MAGI2: variants seen among roughly 807,000 people sequenced by gnomAD.
MAGI2 encodes membrane associated guanylate kinase, WW and PDZ domain containing 2, also known as membrane-associated guanylate kinase, WW and PDZ domain-containing protein 2.
A neutral mutation model predicts 133.3 loss-of-function variants in MAGI2; 35 were observed. The observed-to-expected ratio is 0.26, with a 90% CI of 0.20 to 0.35. The LOEUF is 0.35. Ranked by LOEUF, MAGI2 falls within the 10% of genes least tolerant of loss-of-function variation. The pLI is 1.00. For missense variants in MAGI2, 1,636 were observed against 1,863.4 expected (o/e 0.88, Z 2.25); for synonymous variants, 729 against 710.6 (o/e 1.03, Z -0.41).
intron 1 of MAGI2, among the ~76,000 whole-genome samples, chr7:79,114,657 C>T (rs146164264): frequency 9.1e-4 from 138 of 152,268 alleles, no homozygotes; most frequent in African/African-American, 3.2e-3. Context: ...TATTACAGGA[C>T]ACACAGAGCC....
At chr7:78,715,537 CAATTT>C (rs1585173458) in intron 2 of MAGI2, among the ~76,000 whole-genome samples, 1 of 151,986 alleles carries the variant, frequency 6.6e-6, no homozygotes, top group African/African-American at 2.4e-5. Context: ...AATGAAAGCC[CAATTT>C]AAATAAACTT....
At chr7:78,751,795 G>A (rs1823481485) in intron 2 of MAGI2, among the ~76,000 whole-genome samples, 1 of 152,204 alleles carries the variant, frequency 6.6e-6, no homozygotes, top group Non-Finnish European at 1.5e-5. Flanking sequence ...AAAAGGTAAT[G>A]GCACCAGGTA....
At chr7:79,319,172 C>G (rs962111565) in intron 1 of MAGI2, among the ~76,000 whole-genome samples, 1 of 152,090 alleles carries the variant, frequency 6.6e-6, no homozygotes, top group Admixed American at 6.6e-5. Context: ...CCTCAGTTTA[C>G]AGACAGGTAA....
intron 3 of MAGI2, among the ~76,000 whole-genome samples, chr7:78,536,441 T>C (rs1797938047): frequency 6.6e-6 from 1 of 152,122 alleles, no homozygotes; most frequent in Non-Finnish European, 1.5e-5. Flanking sequence ...GATTCCCCTG[T>C]CTTGATAAGT....
chr7:78,111,663 G>C (rs959745747), intron 20 of MAGI2, among the ~76,000 whole-genome samples: 3 of 152,196 alleles, frequency 2.0e-5, no homozygotes, highest in Non-Finnish European at 2.9e-5. Context: ...ACTCTGAAAA[G>C]AAAAAGGTAA....
chr7:79,063,174 T>C (rs1344529907), intron 1 of MAGI2, among the ~76,000 whole-genome samples: 2 of 152,126 alleles, frequency 1.3e-5, no homozygotes, highest in African/African-American at 2.4e-5. Context: ...GCAGTGTGGC[T>C]CACCTACTTA....
chr7:78,617,048 T>C (rs989669862), intron 3 of MAGI2: 5 of 152,078 alleles, frequency 3.3e-5, no homozygotes, highest in Non-Finnish European at 5.9e-5. Flanking sequence ...TGGAACAGAA[T>C]AGAAAATGAG....
At chr7:79,188,206 A>G (rs1827333914) in intron 1 of MAGI2, among the ~76,000 whole-genome samples, 1 of 151,790 alleles carries the variant, frequency 6.6e-6, no homozygotes, top group Admixed American at 6.6e-5. Context: ...TGCTGCACCT[A>G]TCAACCCATC....
chr7:79,365,624 G>A (rs1258084102), intron 1 of MAGI2, among the ~76,000 whole-genome samples: 17 of 152,040 alleles, frequency 1.1e-4, no homozygotes, highest in African/African-American at 3.4e-4. Context: ...TTGGGGGGCC[G>A]AGGCGGGCAG....
chr7:79,122,831 A>G (rs1409623541), intron 1 of MAGI2, among the ~76,000 whole-genome samples: 1 of 152,080 alleles, frequency 6.6e-6, no homozygotes, highest in East Asian at 1.9e-4. Flanking sequence ...AGCTGGGATT[A>G]TAGGCACCTG....
chr7:78,494,865 T>G (rs1793942900), intron 5 of MAGI2, among the ~76,000 whole-genome samples: 1 of 152,170 alleles, frequency 6.6e-6, no homozygotes, highest in African/African-American at 2.4e-5. Flanking sequence ...AATCTTAAAC[T>G]GATAGTTAAA....
intron 20 of MAGI2, among the ~76,000 whole-genome samples, chr7:78,117,808 G>C (rs1275794072): frequency 2.0e-5 from 3 of 152,174 alleles, no homozygotes; most frequent in African/African-American, 7.2e-5. Flanking sequence ...AGAGTTCAGT[G>C]AATTTTGCCT....
intron 1 of MAGI2, among the ~76,000 whole-genome samples, chr7:79,016,081 C>A (rs1260564918): frequency 1.3e-5 from 2 of 150,970 alleles, no homozygotes; most frequent in African/African-American, 4.9e-5. Context: ...CAGGAGACTA[C>A]ATGAACCCCA....
chr7:78,344,626 T>G (rs1009648710), intron 8 of MAGI2, among the ~76,000 whole-genome samples: 2 of 152,162 alleles, frequency 1.3e-5, no homozygotes, highest in Non-Finnish European at 2.9e-5. Flanking sequence ...GATAAATAAA[T>G]TGCTATTGGC....
intron 2 of MAGI2, among the ~76,000 whole-genome samples, chr7:78,839,608 G>C (rs2151459820): frequency 6.6e-6 from 1 of 152,144 alleles, no homozygotes; most frequent in East Asian, 1.9e-4. Flanking sequence ...TCACAAGATG[G>C]CAGGAGAGAG....
intron 2 of MAGI2, among the ~76,000 whole-genome samples, chr7:78,804,426 C>A: frequency 6.7e-6 from 1 of 149,742 alleles, no homozygotes. Context: ...TATTAATAAA[C>A]AAAATAAAAC....
chr7:78,436,777 T>C (rs114394264), intron 6 of MAGI2, among the ~76,000 whole-genome samples: 1,706 of 152,204 alleles, frequency 0.011, 32 homozygotes, highest in African/African-American at 0.038. Flanking sequence ...TCACAACTCA[T>C]AGCTCCCAGC....
chr7:78,782,985 T>G (rs374400354), intron 2 of MAGI2, among the ~76,000 whole-genome samples: 1 of 151,614 alleles, frequency 6.6e-6, no homozygotes. Flanking sequence ...TTCTTCAATT[T>G]TGACAATACT....
At chr7:78,426,028 T>A (rs1799244353) in intron 6 of MAGI2, among the ~76,000 whole-genome samples, 1 of 152,134 alleles carries the variant, frequency 6.6e-6, no homozygotes, top group African/African-American at 2.4e-5. Flanking sequence ...CCAAAATGAT[T>A]ATAAGTTAGA....
Sources: allele counts gnomAD v4.1 joint callset (sites outside exome capture counted in the v4.1 genomes callset), GRCh38; gene constraint gnomAD v4.1.1; transcripts MANE v1.5; gene names NCBI Gene and HGNC (gene_info 2026-07-23, HGNC 2026-07-21).